TNNI3K: variants seen among roughly 807,000 people sequenced by gnomAD.
The protein encoded by TNNI3K is TNNI3 interacting kinase.
TNNI3K carries 140 observed loss-of-function variants against 114.5 expected under a neutral mutation model. The observed-to-expected ratio is 1.22, with a 90% CI of 1.07 to 1.41. The LOEUF is 1.41. Among genes scored for constraint, TNNI3K ranks in the 40% most tolerant of loss-of-function variants. The probability of loss-of-function intolerance (pLI) is 0.00; values close to 1 mark genes in which losing one functional copy is unlikely to be tolerated. For missense variants in TNNI3K, 1,125 were observed against 1,007.6 expected (o/e 1.12, Z -1.58); for synonymous variants, 347 against 347.5 (o/e 1.00, Z 0.02).
chr1:74,353,351 G>A lies in TNNI3K; in HGVS notation c.1018G>A (p.Gly340Arg), dbSNP rs140099461. ...VININHQGRD[G>R]HTGLHSACYH... Reference sequence around the variant, plus strand: ...AAACATCAACCACCAAGGAAGGGATGGGCACACTGGTAAGACTGTGGTGAA... The same window carrying A: ...AAACATCAACCACCAAGGAAGGGATAGGCACACTGGTAAGACTGTGGTGAA... The change falls in exon 10 of 25, where the codon GGG (glycine) becomes AGG (arginine). Residue 340 changes from glycine to arginine, a missense_variant. Coordinates refer to ENST00000326637, the MANE Select transcript of TNNI3K (RefSeq NM_015978.3). 5 of 1,613,552 alleles carry A rather than the reference G, an allele frequency of 3.1e-6. No individual in the cohort carries two copies. The African/African-American group carries it at 4.0e-5, about 13-fold the overall frequency.
chr1:74,336,122 T>C lies in TNNI3K; in HGVS notation c.655T>C (p.Leu219=). The C allele has an allele frequency of 1.2e-6, 2 of 1,603,614 alleles. 1 individual carries two copies. The highest frequency in any genetic ancestry group is 2.3e-5 in the South Asian group (2 of 88,684). The stretch of plus-strand genomic sequence containing the variant: ...AGGATTCTTGAATATTGCAAAACTC[T>C]TGATGGAAGAAGGCAGCAAAGCAGA... ...AKGFLNIAKL[L]MEEGSKADVN... The change falls in exon 7 of 25, where the codon TTG becomes CTG. Residue 219 remains leucine (L), a synonymous_variant. Transcript: ENST00000326637.
chr1:74,331,534 T>G lies in TNNI3K; in HGVS notation c.529T>G (p.Tyr177Asp). Residue 177 changes from tyrosine (Y) to aspartate (D), a missense_variant, in exon 6 of 25, where the codon TAT (tyrosine) becomes GAT (aspartate). By Grantham distance (160) the Tyr-to-Asp change is radical. Coordinates refer to ENST00000326637, the MANE Select transcript of TNNI3K (RefSeq NM_015978.3). ...CACTCCATTGCATATTGCAGCGTACTATGGACATGAACAGGTAAGTCTGAC... is the reference window on the plus strand; with the variant it reads ...CACTCCATTGCATATTGCAGCGTACGATGGACATGAACAGGTAAGTCTGAC... ...FFTPLHIAAY[Y>D]GHEQVTRLLL... 1 of 1,612,688 alleles carries G rather than the reference T, an allele frequency of 6.2e-7. No homozygotes were observed. Among genetic ancestry groups the G allele is most frequent in the South Asian group, 1.1e-5 (1 of 90,800 alleles).
In TNNI3K at chr1:74,489,450, C is replaced by T. The variant is rs45581031; in HGVS notation, c.2181+202C>T. Reference sequence around the variant, plus strand: ...GACAAAGGCAAAGTCAGAGTGAATTCGAGACCTTCCAACAAATAATAGGGC... The same window carrying T: ...GACAAAGGCAAAGTCAGAGTGAATTTGAGACCTTCCAACAAATAATAGGGC... On this transcript the variant is annotated intron_variant, in intron 22 of 24. Coordinates refer to ENST00000326637, the MANE Select transcript of TNNI3K (RefSeq NM_015978.3). Among the ~76,000 whole-genome samples the T allele has an allele frequency of 2.7e-3, 416 of 152,228 alleles. 3 individuals are homozygous for T. Among genetic ancestry groups the T allele is most frequent in the African/African-American group, 9.5e-3 (393 of 41,546 alleles).
At chr1:74,350,977 G>C (rs1318844170) in intron 9 of TNNI3K, among the ~76,000 whole-genome samples, 1 of 151,986 alleles carries the variant, frequency 6.6e-6, no homozygotes, top group East Asian at 1.9e-4. Context: ...TTTAAGGTTA[G>C]TATTGTTATG....
At chr1:74,492,022 A>T in intron 22 of TNNI3K, 75 bp from the exon 23 acceptor site, 1 of 1,387,764 alleles carries the variant, frequency 7.2e-7, no homozygotes, top group Non-Finnish European at 9.5e-7. Context: ...ATAGAAAGTT[A>T]AATCCATATT....
intron 5 of TNNI3K, among the ~76,000 whole-genome samples, chr1:74,303,185 A>AATT (rs1251372546): frequency 1.3e-5 from 2 of 151,960 alleles, no homozygotes; most frequent in African/African-American, 4.8e-5. Flanking sequence ...TGGTATACTG[A>AATT]ATTATTATTA....
chr1:74,360,102 T>C (rs1557519788), intron 11 of TNNI3K, among the ~76,000 whole-genome samples: 1 of 151,996 alleles, frequency 6.6e-6, no homozygotes, highest in Non-Finnish European at 1.5e-5. Context: ...TTTTTTCTTT[T>C]TTTTTACTAT....
At chr1:74,399,506 C>T (rs1047641232) in intron 17 of TNNI3K, among the ~76,000 whole-genome samples, 1 of 152,032 alleles carries the variant, frequency 6.6e-6, no homozygotes, top group African/African-American at 2.4e-5. Flanking sequence ...CAAGCTCCAC[C>T]CATGCTGGGA....
chr1:74,391,957 A>ATTATTATTTTTTTTTTTT (rs1369570973), intron 17 of TNNI3K, among the ~76,000 whole-genome samples: 2 of 92,990 alleles, frequency 2.2e-5, no homozygotes, highest in Non-Finnish European at 4.4e-5. Context: ...ACAGCTTATT[A>ATTATTATTTTTTTTTTTT]TTTTTTTTTT....
chr1:74,316,712 C>T (rs538467761), intron 5 of TNNI3K, among the ~76,000 whole-genome samples: 5 of 151,306 alleles, frequency 3.3e-5, no homozygotes, highest in Middle Eastern at 3.4e-3. Flanking sequence ...ATTTTTGAGA[C>T]GGAGTCTCTC....
rs183816818 is a variant in TNNI3K at position 74,349,841 on chromosome 1, G to A, written c.933-3425G>A. On this transcript the variant is annotated intron_variant, in intron 9 of 24. Coordinates refer to ENST00000326637, the MANE Select transcript of TNNI3K (RefSeq NM_015978.3). Reference sequence around the variant, plus strand: ...TATCCCCTGTGTCATTTTTTATTGCGTCTATTTGATTCTTCCCTCTTTCCT... The same window carrying A: ...TATCCCCTGTGTCATTTTTTATTGCATCTATTTGATTCTTCCCTCTTTCCT... 5.3e-3 allele frequency among the ~76,000 whole-genome samples: 809 copies of A among 152,080 alleles called. 7 individuals are homozygous for A. Among genetic ancestry groups the A allele is most frequent in the African/African-American group, 0.016 (679 of 41,484 alleles).
chr1:74,375,393 C>G (rs530250876), intron 17 of TNNI3K: 17 of 262,504 alleles, frequency 6.5e-5, no homozygotes, highest in African/African-American at 3.5e-4. Flanking sequence ...AACCTCTTTC[C>G]TGCCTGGGGA....
chr1:74,295,804 C>T (rs767012744), intron 5 of TNNI3K, among the ~76,000 whole-genome samples: 20 of 151,668 alleles, frequency 1.3e-4, no homozygotes, highest in Non-Finnish European at 1.5e-4. Flanking sequence ...AATAATATTC[C>T]GTCTGTTTAT....
At chr1:74,437,620 A>G (rs1421627635) in intron 19 of TNNI3K, among the ~76,000 whole-genome samples, 1 of 151,884 alleles carries the variant, frequency 6.6e-6, no homozygotes, top group Non-Finnish European at 1.5e-5. Context: ...TGGTGTGTTC[A>G]AACTAACATG....
chr1:74,519,852 C>T (rs1251227198), intron 23 of TNNI3K, among the ~76,000 whole-genome samples: 7 of 152,014 alleles, frequency 4.6e-5, no homozygotes, highest in Admixed American at 3.9e-4. Flanking sequence ...TCCACAGGGT[C>T]CCTGTGGCAG....
chr1:74,494,736 C>T (rs1367955137), intron 23 of TNNI3K, among the ~76,000 whole-genome samples: 1 of 152,164 alleles, frequency 6.6e-6, no homozygotes, highest in Non-Finnish European at 1.5e-5. Context: ...GCTCAATGAC[C>T]TTGTCAAGTT....
At chr1:74,259,426 C>T (rs944825597) in intron 4 of TNNI3K, among the ~76,000 whole-genome samples, 1 of 152,180 alleles carries the variant, frequency 6.6e-6, no homozygotes, top group Non-Finnish European at 1.5e-5. Context: ...CTATTCAGGC[C>T]TTCCAAAGAT....
At chr1:74,449,789 C>A (rs1313413620) in intron 20 of TNNI3K, among the ~76,000 whole-genome samples, 1 of 151,072 alleles carries the variant, frequency 6.6e-6, no homozygotes, top group African/African-American at 2.4e-5. Flanking sequence ...GACTTAGACT[C>A]CCACACATTA....
intron 21 of TNNI3K, among the ~76,000 whole-genome samples, chr1:74,483,621 A>G (rs956510600): frequency 3.3e-5 from 5 of 152,212 alleles, no homozygotes; most frequent in African/African-American, 1.2e-4. Context: ...GTATTTTGAA[A>G]AAATTAAGTT....
Sources: allele counts gnomAD v4.1 joint callset (sites outside exome capture counted in the v4.1 genomes callset), GRCh38; gene constraint gnomAD v4.1.1; transcripts MANE v1.5; gene names NCBI Gene and HGNC (gene_info 2026-07-23, HGNC 2026-07-21).